The following GATAD2A variants were observed in gnomAD, a reference collection of about 807,000 sequenced individuals.
GATAD2A encodes GATA zinc finger domain containing 2A, also known as transcriptional repressor p66-alpha.
In GATAD2A, 12 loss-of-function variants were observed where a neutral mutation model predicts 68.5. That is an observed-to-expected ratio of 0.18 (90% CI 0.11 to 0.28). The LOEUF is 0.28. Among genes scored for constraint, GATAD2A ranks in the 10% least tolerant of loss-of-function variants. GATAD2A has a pLI of 1.00. For synonymous variants in GATAD2A, 410 were observed against 375.3 expected, an observed-to-expected ratio of 1.09 and a Z score of -1.07; for missense variants, 755 against 868.5, an observed-to-expected ratio of 0.87 and a Z score of 1.64.
At chr19:19,459,000 C>T (rs1002322373) in intron 1 of GATAD2A, among the ~76,000 whole-genome samples, 1 of 152,110 alleles carries the variant, frequency 6.6e-6, no homozygotes, top group Non-Finnish European at 1.5e-5. Context: ...GAAACATGGC[C>T]TCACTATGTT....
intron 1 of GATAD2A, among the ~76,000 whole-genome samples, chr19:19,388,394 C>T (rs2146803482): frequency 6.6e-6 from 1 of 152,266 alleles, no homozygotes; most frequent in East Asian, 1.9e-4. Context: ...CCCACTTTCC[C>T]CCAACTGTGG....
intron 2 of GATAD2A, among the ~76,000 whole-genome samples, chr19:19,481,007 C>G (rs1163081908): frequency 6.6e-6 from 1 of 152,202 alleles, no homozygotes; most frequent in African/African-American, 2.4e-5. Flanking sequence ...GGTGACTTCT[C>G]TCTCCCTGTG....
Position 19,502,343 on chromosome 19 carries a change from C to G in GATAD2A, c.1591C>G (p.Leu531Val), listed in dbSNP as rs2060590032. 1 of 1,610,166 alleles carries G rather than the reference C, an allele frequency of 6.2e-7. No homozygotes were observed. The highest frequency in any genetic ancestry group is 1.7e-5 in the Admixed American group (1 of 59,598). The change falls in exon 11 of 12, where the codon CTG (leucine) becomes GTG (valine). Residue 531 changes from leucine to valine, a missense_variant. Physicochemically the swap from Leu to Val is conservative, Grantham distance 32. Coordinates refer to ENST00000683918, the MANE Select transcript of GATAD2A (RefSeq NM_001384528.1). ...NGAVLQASSQ[L>V]SRGSATTPRG... is the part of the protein sequence containing the mutation. ...TTCTCCACTGCAGGCCTCCAGCCAG[C>G]TGTCCCGGGGTTCGGCCACGACGCC... is the stretch of plus-strand genomic sequence containing the variant.
At chr19:19,456,968 A>T in intron 1 of GATAD2A, 1 of 359,894 alleles carries the variant, frequency 2.8e-6, no homozygotes, top group Non-Finnish European at 3.9e-6. Flanking sequence ...TTTTGCACTT[A>T]AAAATTAGAA....
chr19:19,404,908 C>A (rs1202514109), upstream of GATAD2A, among the ~76,000 whole-genome samples: 1 of 152,122 alleles, frequency 6.6e-6, no homozygotes, highest in Non-Finnish European at 1.5e-5. Context: ...TGAGAGCCTT[C>A]TTGTGGTAGA....
chr19:19,454,728 G>GGCCC (rs1555707172), intron 1 of GATAD2A, among the ~76,000 whole-genome samples: 5 of 121,616 alleles, frequency 4.1e-5, no homozygotes, highest in Non-Finnish European at 6.8e-5. Context: ...GAGCCACTGT[G>GGCCC]CCCCCCCCCA....
At chr19:19,405,417 G>A (rs1488144989), upstream of GATAD2A, among the ~76,000 whole-genome samples, 1 of 152,202 alleles carries the variant, frequency 6.6e-6, no homozygotes, top group Non-Finnish European at 1.5e-5. Flanking sequence ...GGCCCGCCCG[G>A]CTTTGCCGCC....
intron 1 of GATAD2A, among the ~76,000 whole-genome samples, chr19:19,439,772 C>T (rs774212416): frequency 3.9e-5 from 6 of 152,044 alleles, no homozygotes; most frequent in Non-Finnish European, 8.8e-5. Context: ...CGCTTGAACC[C>T]AGGAGGCGGA....
At chr19:19,477,777 C>A (rs953877639) in intron 2 of GATAD2A, among the ~76,000 whole-genome samples, 1 of 152,094 alleles carries the variant, frequency 6.6e-6, no homozygotes, top group Non-Finnish European at 1.5e-5. Context: ...GGCCAACTTG[C>A]TGGAGAAGGA....
chr19:19,502,628 C>A, intron 11 of GATAD2A, 102 bp downstream of exon 11: 1 of 913,870 alleles, frequency 1.1e-6, no homozygotes, highest in Non-Finnish European at 1.7e-6. Flanking sequence ...AACCCCCAGG[C>A]CCGCTTCCCA....
intron 1 of GATAD2A, among the ~76,000 whole-genome samples, chr19:19,447,188 A>G (rs1036594915): frequency 1.3e-5 from 2 of 152,120 alleles, no homozygotes; most frequent in Admixed American, 6.5e-5. Flanking sequence ...GTGGAGGGGA[A>G]GCGTTTCTCA....
chr19:19,402,900 G>C (rs946363121), upstream of GATAD2A, among the ~76,000 whole-genome samples: 17 of 151,250 alleles, frequency 1.1e-4, no homozygotes, highest in Non-Finnish European at 2.9e-5. Context: ...AGTCTTCTAA[G>C]TAGCTGGGAT....
At chr19:19,399,501 C>T (rs1268216244) in intron 1 of GATAD2A, among the ~76,000 whole-genome samples, 2 of 152,156 alleles carry the variant, frequency 1.3e-5, no homozygotes, top group African/African-American at 4.8e-5. Context: ...AATTTTTAAA[C>T]TTTCACTGCA....
chr19:19,412,642 A>G (rs1331683234), intron 1 of GATAD2A, among the ~76,000 whole-genome samples: 1 of 152,012 alleles, frequency 6.6e-6, no homozygotes, highest in East Asian at 1.9e-4. Context: ...CGGGGGGGAT[A>G]AAAAAGGTCT....
intron 1 of GATAD2A, among the ~76,000 whole-genome samples, chr19:19,389,265 G>A (rs1198486036): frequency 6.6e-6 from 1 of 152,190 alleles, no homozygotes; most frequent in Non-Finnish European, 1.5e-5. Flanking sequence ...CAAGTCTCAA[G>A]CTAAAAATGT....
Position 19,494,335 on chromosome 19 carries a change from G to A in GATAD2A, c.576G>A (p.Pro192=), listed in dbSNP as rs200171655. The A allele has an allele frequency of 8.2e-5, 132 of 1,612,898 alleles. No homozygotes were observed. In the East Asian group the frequency reaches 1.6e-3, roughly 19 times the overall value. Residue 192 remains proline, a synonymous_variant, in exon 5 of 12, where the codon CCG becomes CCA. Transcript: ENST00000683918. ...SVGSTVTTPP[P]LVRGTQNIPA... is the part of the protein sequence containing the mutation. The stretch of plus-strand genomic sequence containing the variant: ...GGAGCACCGTGACCACCCCTCCCCC[G>A]CTTGTTCGGGGCACTCAGAACATTC...
rs1181387883 is a variant in GATAD2A at position 19,465,540 on chromosome 19, G to A, written c.195G>A (p.Glu65=). The A allele has an allele frequency of 1.2e-6, 2 of 1,613,022 alleles. No individual in the cohort carries two copies. Among genetic ancestry groups the A allele is most frequent in the African/African-American group, 2.7e-5 (2 of 74,930 alleles). ...CCCAAGGATTGCTGAGGGCAACAGA[G>A]GCCACGGCCATGGCCATGGGCAGAG... The part of the protein sequence containing the change: ...GPTQGLLRAT[E]ATAMAMGRGE... Residue 65 remains glutamate, a synonymous_variant, in exon 2 of 12, where the codon GAG becomes GAA. Coordinates refer to ENST00000683918, the MANE Select transcript of GATAD2A (RefSeq NM_001384528.1).
intron 1 of GATAD2A, among the ~76,000 whole-genome samples, chr19:19,428,628 C>T (rs2053362178): frequency 6.6e-6 from 1 of 152,138 alleles, no homozygotes; most frequent in South Asian, 2.1e-4. Flanking sequence ...GCCTGGAGTG[C>T]CAGGGAGCGA....
At chr19:19,417,757 T>A (rs749454509) in intron 1 of GATAD2A, among the ~76,000 whole-genome samples, 5 of 152,132 alleles carry the variant, frequency 3.3e-5, no homozygotes, top group Non-Finnish European at 4.4e-5. Context: ...TAATATGGCC[T>A]TGGATTTGCC....
Sources: gnomAD v4.1 joint callset for allele counts (sites outside exome capture counted in the v4.1 genomes callset) on GRCh38, gnomAD v4.1.1 for gene constraint, MANE v1.5 for transcripts, NCBI Gene and HGNC (gene_info 2026-07-23, HGNC 2026-07-21) for gene names.